Variants in NOS1AP observed in about 807,000 individuals in gnomAD.
NOS1AP encodes carboxyl-terminal PDZ ligand of neuronal nitric oxide synthase protein.
In NOS1AP, 21 loss-of-function variants were observed where a neutral mutation model predicts 56.2. That is an observed-to-expected ratio of 0.37 (90% CI 0.26 to 0.54). The LOEUF (loss-of-function observed/expected upper bound fraction) is 0.54. Ranked by LOEUF, NOS1AP falls within the 20% of genes least tolerant of loss-of-function variation. The pLI is 0.84. For synonymous variants in NOS1AP, 270 were observed against 274.6 expected (o/e 0.98, Z 0.17); for missense variants, 522 against 657.8 (o/e 0.79, Z 2.26).
intron 2 of NOS1AP, among the ~76,000 whole-genome samples, chr1:162,262,281 GAT>G (rs1654263948): frequency 6.6e-6 from 1 of 152,150 alleles, no homozygotes; most frequent in African/African-American, 2.4e-5. Flanking sequence ...AAGCTAGAGA[GAT>G]AACAAATTAG....
At chr1:162,254,426 C>T (rs1571164279) in intron 2 of NOS1AP, among the ~76,000 whole-genome samples, 1 of 152,156 alleles carries the variant, frequency 6.6e-6, no homozygotes. Flanking sequence ...TAACCCTCCC[C>T]AGCAGGGGCC....
intron 1 of NOS1AP, among the ~76,000 whole-genome samples, chr1:162,073,299 T>C (rs780316968): frequency 1.3e-5 from 2 of 152,226 alleles, no homozygotes; most frequent in Non-Finnish European, 2.9e-5. Flanking sequence ...AGCCTGGGGC[T>C]TTGACTTCAG....
intron 1 of NOS1AP, among the ~76,000 whole-genome samples, chr1:162,118,973 T>G (rs1464215223): frequency 6.6e-6 from 1 of 152,164 alleles, no homozygotes; most frequent in Admixed American, 6.5e-5. Flanking sequence ...TATGAGAAAG[T>G]TCATGGGGAT....
At chr1:162,111,823 C>G (rs1647721467) in intron 1 of NOS1AP, among the ~76,000 whole-genome samples, 1 of 152,144 alleles carries the variant, frequency 6.6e-6, no homozygotes, top group Non-Finnish European at 1.5e-5. Context: ...AGGAATATTG[C>G]AGAAATGAGT....
intron 3 of NOS1AP, among the ~76,000 whole-genome samples, chr1:162,298,341 G>T (rs1243905733): frequency 6.6e-6 from 1 of 152,238 alleles, no homozygotes; most frequent in African/African-American, 2.4e-5. Flanking sequence ...CCACTGACCT[G>T]CAGTCATGAA....
chr1:162,230,043 C>T (rs1167042659), intron 2 of NOS1AP, among the ~76,000 whole-genome samples: 1 of 152,112 alleles, frequency 6.6e-6, no homozygotes, highest in African/African-American at 2.4e-5. Flanking sequence ...ACAAGAGAAG[C>T]AGCCTGTGTC....
chr1:162,286,854 G>C (rs1270171325), intron 2 of NOS1AP, among the ~76,000 whole-genome samples: 1 of 152,162 alleles, frequency 6.6e-6, no homozygotes, highest in Non-Finnish European at 1.5e-5. Flanking sequence ...CACAGATAAA[G>C]GAAATTTGAA....
chr1:162,166,971 G>A (rs1322437541), intron 2 of NOS1AP, among the ~76,000 whole-genome samples: 1 of 152,144 alleles, frequency 6.6e-6, no homozygotes, highest in African/African-American at 2.4e-5. Context: ...AATCCATCAG[G>A]TCCAGGTTGA....
At chr1:162,173,842 A>G (rs554944426) in intron 2 of NOS1AP, among the ~76,000 whole-genome samples, 1 of 152,362 alleles carries the variant, frequency 6.6e-6, no homozygotes, top group African/African-American at 2.4e-5. Flanking sequence ...AGAAATGCAA[A>G]TCAAAACCAC....
At chr1:162,269,153 A>T (rs1270572764) in intron 2 of NOS1AP, among the ~76,000 whole-genome samples, 1 of 152,212 alleles carries the variant, frequency 6.6e-6, no homozygotes, top group Non-Finnish European at 1.5e-5. Context: ...TCCATCTCAG[A>T]GGGGGCCACA....
intron 2 of NOS1AP, among the ~76,000 whole-genome samples, chr1:162,171,465 G>A (rs965024828): frequency 6.6e-6 from 1 of 152,068 alleles, no homozygotes; most frequent in Non-Finnish European, 1.5e-5. Context: ...ATGTCTCCCT[G>A]CCTCAACTGC....
chr1:162,196,890 A>G (rs1459255456), intron 2 of NOS1AP, among the ~76,000 whole-genome samples: 1 of 152,174 alleles, frequency 6.6e-6, no homozygotes, highest in Non-Finnish European at 1.5e-5. Flanking sequence ...AGGCCCCGCT[A>G]TGGTTTTTGT....
At chr1:162,357,934 G>C (rs1657755219) in intron 8 of NOS1AP, among the ~76,000 whole-genome samples, 1 of 152,152 alleles carries the variant, frequency 6.6e-6, no homozygotes, top group Non-Finnish European at 1.5e-5. Flanking sequence ...TCAGGGAATG[G>C]TGAAGACATT....
chr1:162,172,358 T>C (rs930388165), intron 2 of NOS1AP, among the ~76,000 whole-genome samples: 3 of 152,196 alleles, frequency 2.0e-5, no homozygotes, highest in African/African-American at 7.2e-5. Context: ...TTTTGAGAAA[T>C]GGCAGTCACA....
At chr1:162,241,668 G>T (rs1028011998) in intron 2 of NOS1AP, among the ~76,000 whole-genome samples, 6 of 152,132 alleles carry the variant, frequency 3.9e-5, no homozygotes, top group Non-Finnish European at 7.4e-5. Context: ...CACTCCCCCT[G>T]ACTGCAGAGT....
intron 2 of NOS1AP, among the ~76,000 whole-genome samples, chr1:162,176,504 T>C (rs1651063840): frequency 9.7e-6 from 1 of 102,826 alleles, no homozygotes; most frequent in Non-Finnish European, 2.0e-5. Context: ...GCATAATAGC[T>C]CTTTTTTTTT....
intron 1 of NOS1AP, among the ~76,000 whole-genome samples, chr1:162,132,940 A>G (rs1398643664): frequency 6.6e-6 from 1 of 152,226 alleles, no homozygotes; most frequent in Admixed American, 6.5e-5. Context: ...CTCTTCTGTC[A>G]GAGCTATACA....
In NOS1AP at chr1:162,367,652, G is replaced by T. The variant is rs946121277; in HGVS notation, c.*185G>T. 2 of 690,424 alleles carry T rather than the reference G, an allele frequency of 2.9e-6. No individual in the cohort carries two copies. The highest frequency in any genetic ancestry group is 4.7e-6 in the Non-Finnish European group (2 of 421,550). The allele number at this position is 690,424 out of a possible 1,614,324, so 42.8% of individuals were successfully genotyped here. The stretch of plus-strand genomic sequence containing the variant: ...TGGAGGGTAAAGTGGGGAAGAAATC[G>T]GATTCCCAGAGGTGAATCAGCTCCT... On this transcript the variant is annotated 3_prime_UTR_variant, in exon 10 of 10. Coordinates refer to ENST00000361897, the MANE Select transcript of NOS1AP (RefSeq NM_014697.3). This position sits in a 1 kb window ranked among gnomAD's most constrained non-coding sequence, Gnocchi z 6.5.
intron 1 of NOS1AP, among the ~76,000 whole-genome samples, chr1:162,152,168 A>G (rs1265338639): frequency 2.0e-5 from 3 of 152,108 alleles, no homozygotes; most frequent in African/African-American, 7.2e-5. Context: ...CCATCTGGGT[A>G]TTTGTGTTTA....
Sources: allele counts gnomAD v4.1 joint callset (sites outside exome capture counted in the v4.1 genomes callset), GRCh38; gene constraint gnomAD v4.1.1; non-coding constraint Gnocchi (gnomAD v3.1); transcripts MANE v1.5; gene names NCBI Gene and HGNC (gene_info 2026-07-23, HGNC 2026-07-21).